Variants in MYH13 observed in about 807,000 individuals in gnomAD.
MYH13 encodes the protein myosin heavy chain 13, also known as myosin-13.
Under a neutral mutation model 232.1 loss-of-function variants are expected in MYH13, and 177 were observed. The ratio of observed to expected loss-of-function variants is 0.76; its 90% confidence interval spans 0.67 to 0.86. The LOEUF (loss-of-function observed/expected upper bound fraction) is 0.86. MYH13 is among the 40% of genes least tolerant of loss of function. The pLI, the probability that MYH13 is intolerant of heterozygous loss-of-function variation, is 0.00. For missense variants in MYH13, 2,246 were observed against 2,405.9 expected, an observed-to-expected ratio of 0.93 and a Z score of 1.39; for synonymous variants, 884 against 923.5, an observed-to-expected ratio of 0.96 and a Z score of 0.78.
At chr17:10,322,102 G>C (rs2142234109) in intron 23 of MYH13, among the ~76,000 whole-genome samples, 1 of 152,252 alleles carries the variant, frequency 6.6e-6, no homozygotes, top group African/African-American at 2.4e-5. Context: ...TCCTACGCAA[G>C]AAAATTCACG....
chr17:10,321,308 C>T (rs1488513784), intron 24 of MYH13, among the ~76,000 whole-genome samples: 1 of 152,118 alleles, frequency 6.6e-6, no homozygotes, highest in African/African-American at 2.4e-5. Context: ...TGAGATGGAG[C>T]TATTTACATC....
chr17:10,366,201 C>T (rs1176643461), intron 2 of MYH13, among the ~76,000 whole-genome samples: 1 of 151,726 alleles, frequency 6.6e-6, no homozygotes, highest in East Asian at 1.9e-4. Flanking sequence ...CATTCCCCCT[C>T]GGCACCTCTT....
intron 12 of MYH13, among the ~76,000 whole-genome samples, chr17:10,347,504 C>T (rs2071675003): frequency 6.6e-6 from 1 of 152,126 alleles, no homozygotes. Context: ...GTACCATGCT[C>T]ATAGTTGAAA....
At chr17:10,318,730 A>C in intron 27 of MYH13, 60 bp downstream of exon 27, 1 of 1,599,330 alleles carries the variant, frequency 6.3e-7, no homozygotes, top group Non-Finnish European at 8.5e-7. Flanking sequence ...ACACGTGCCC[A>C]GGGGCAGGTG....
chr17:10,322,112 G>A (rs576246169), intron 23 of MYH13, among the ~76,000 whole-genome samples: 14 of 152,246 alleles, frequency 9.2e-5, no homozygotes, highest in African/African-American at 2.4e-4. Context: ...GAAAATTCAC[G>A]CCGGGCGCGG....
At chr17:10,332,462 C>T (rs992655954) in intron 19 of MYH13, among the ~76,000 whole-genome samples, 1 of 152,152 alleles carries the variant, frequency 6.6e-6, no homozygotes, top group Non-Finnish European at 1.5e-5. Flanking sequence ...CAGCTGAGTG[C>T]ATGGCGGGAA....
Position 10,346,672 on chromosome 17 carries a change from T to C in MYH13, c.1263+8A>G. On this transcript the variant is annotated splice_region_variant and intron_variant, in intron 13 of 40. Transcript: ENST00000252172. ...CTCAATCAACTGGATTCAGAGCATC[T>C]CCATTACCTGCTGGACATTTTGCCC... 1 of 1,598,768 alleles carries C rather than the reference T, an allele frequency of 6.3e-7. No individual in the cohort carries two copies. Among genetic ancestry groups the C allele is most frequent in the Non-Finnish European group, 8.6e-7 (1 of 1,166,522 alleles).
intron 2 of MYH13, among the ~76,000 whole-genome samples, chr17:10,365,006 G>A (rs879298012): frequency 3.3e-5 from 5 of 151,940 alleles, no homozygotes; most frequent in Non-Finnish European, 7.4e-5. Context: ...CTGAGTAGCT[G>A]GGATCACAGG....
In MYH13 at chr17:10,322,367, T is replaced by C. The variant is rs535227171; in HGVS notation, c.2935-659A>G. 3.5e-4 allele frequency among the ~76,000 whole-genome samples: 54 copies of C among 152,174 alleles called. No individual in the cohort carries two copies. The South Asian group carries it at 4.0e-3, about 11-fold the overall frequency. ...GAGCTGAGATTGCACCACTGCACTC[T>C]AGCCTGGTGACAGAGCGAGACTCCG... On this transcript the variant is annotated intron_variant, in intron 23 of 40. Transcript: ENST00000252172.
At chr17:10,318,708 A>G in intron 27 of MYH13, 82 bp downstream of exon 27, 2 of 1,554,388 alleles carry the variant, frequency 1.3e-6, no homozygotes, top group Non-Finnish European at 1.8e-6. Context: ...AGTGGTTTGG[A>G]GGCATCAAAT....
intron 8 of MYH13, among the ~76,000 whole-genome samples, chr17:10,356,864 G>A (rs751057505): frequency 3.3e-5 from 5 of 152,200 alleles, no homozygotes; most frequent in African/African-American, 7.2e-5. Flanking sequence ...GTTTATTTCC[G>A]ATGGGAAGTA....
At chr17:10,331,036 A>AAAC (rs1179425101) in intron 20 of MYH13, among the ~76,000 whole-genome samples, 3 of 151,812 alleles carry the variant, frequency 2.0e-5, no homozygotes, top group African/African-American at 7.3e-5. Context: ...CAAACAAACA[A>AAAC]AACAACAACA....
At chr17:10,311,016 AG>A (rs1461697476) in intron 33 of MYH13, 86 bp downstream of exon 33, 1 of 1,532,716 alleles carries the variant, frequency 6.5e-7, no homozygotes, top group East Asian at 2.3e-5. Context: ...GTCTCCTGGC[AG>A]GAAAGGCCCC....
chr17:10,322,901 G>A (rs1907022591), intron 23 of MYH13, among the ~76,000 whole-genome samples: 1 of 152,098 alleles, frequency 6.6e-6, no homozygotes, highest in Admixed American at 6.5e-5. Context: ...CCAAAGTGCT[G>A]GGATTACAGG....
At position 10,301,625 on chromosome 17, in the gene MYH13, T is replaced by C. The variant is rs752339155; in HGVS notation, c.5746A>G (p.Ile1916Val). ...ELEEAAERAD[I>V]AESQVNKLRA... ...AGCTTGTTGACCTGGGACTCAGCGA[T>C]GTCCGCCCTCTCCGCGGCCTCCTCT... Residue 1916 changes from isoleucine (I) to valine (V), a missense_variant, in exon 40 of 41, where the codon ATC becomes GTC. Ile to Val is a conservative substitution (Grantham distance 29). Coordinates refer to ENST00000252172, the MANE Select transcript of MYH13 (RefSeq NM_003802.3). 2 of 1,614,204 alleles carry C rather than the reference T, an allele frequency of 1.2e-6. No individual in the cohort carries two copies. Among genetic ancestry groups the C allele is most frequent in the East Asian group, 4.5e-5 (2 of 44,884 alleles).
At chr17:10,308,239 G>A (rs1906357853) in intron 35 of MYH13, among the ~76,000 whole-genome samples, 3 of 150,778 alleles carry the variant, frequency 2.0e-5, no homozygotes, top group Non-Finnish European at 4.4e-5. Flanking sequence ...CAGGAGAATC[G>A]CTTGAACCTA....
intron 16 of MYH13, among the ~76,000 whole-genome samples, chr17:10,342,805 ATGGGGACAGGCATGATGGCTCG>A (rs1567667260): frequency 6.6e-6 from 1 of 152,134 alleles, no homozygotes; most frequent in Non-Finnish European, 1.5e-5. Flanking sequence ...AAATCTGCTC[ATGGGGACAGGCATGATGGCTCG>A]TGCCTATAAT....
chr17:10,353,383 G>A (rs1047456370), intron 11 of MYH13, among the ~76,000 whole-genome samples: 11 of 152,176 alleles, frequency 7.2e-5, no homozygotes, highest in African/African-American at 2.2e-4. Flanking sequence ...AGCTGGAAAT[G>A]TCACCAAATG....
chr17:10,309,692 C>G lies in MYH13; in HGVS notation c.4795G>C (p.Glu1599Gln), dbSNP rs1049526003. Residue 1599 changes from glutamate (E) to glutamine (Q), a missense_variant, in exon 34 of 41, where the codon GAG (glutamate) becomes CAG (glutamine). Glu to Gln is a conservative substitution (Grantham distance 29, BLOSUM62 2). Coordinates refer to ENST00000252172, the MANE Select transcript of MYH13 (RefSeq NM_003802.3). ...GCATCCAGCACGCTCTGCAGGGCCT[C>G]TGCTGCCCGCTGGCTGTTTCTTTTT... is the stretch of plus-strand genomic sequence containing the variant. ...QLKRNSQRAA[E>Q]ALQSVLDAEI... 1 of 1,608,048 alleles carries G rather than the reference C, an allele frequency of 6.2e-7. No homozygotes were observed. The highest frequency in any genetic ancestry group is 1.7e-5 in the Admixed American group (1 of 59,060).
Sources: allele counts gnomAD v4.1 joint callset (sites outside exome capture counted in the v4.1 genomes callset), GRCh38; gene constraint gnomAD v4.1.1; transcripts MANE v1.5; gene names NCBI Gene and HGNC (gene_info 2026-07-23, HGNC 2026-07-21).